Variants in SNTG2 observed in about 807,000 individuals in gnomAD.
The protein encoded by SNTG2 is gamma-2-syntrophin.
SNTG2 carries 74 observed loss-of-function variants against 70.9 expected under a neutral mutation model. The ratio of observed to expected loss-of-function variants is 1.04; its 90% CI spans 0.86 to 1.27. The LOEUF is 1.27. Ranked by LOEUF, SNTG2 falls within the 50% of genes most tolerant of loss-of-function variation. SNTG2 has a pLI of 0.00. For synonymous variants in SNTG2, 278 were observed against 273.8 expected (o/e 1.02, Z -0.15); for missense variants, 717 against 690.7 (o/e 1.04, Z -0.43).
chr2:1,200,150 G>A lies in SNTG2; in HGVS notation c.592-8953G>A, dbSNP rs1384500445. On this transcript the variant is annotated intron_variant, in intron 8 of 16. Coordinates refer to ENST00000308624, the MANE Select transcript of SNTG2 (RefSeq NM_018968.4). ...GAGCTATAGTAATGAAAAAAGCATGGTACTGGTATAAAAACAGACACAGAG... is the reference window on the plus strand; with the variant it reads ...GAGCTATAGTAATGAAAAAAGCATGATACTGGTATAAAAACAGACACAGAG... Among the ~76,000 whole-genome samples the A allele has an allele frequency of 4.6e-5, 7 of 151,992 alleles. 1 individual carries two copies. In the East Asian group the frequency reaches 1.4e-3, roughly 29 times the overall value.
chr2:1,290,282 G>A (rs937107671), intron 14 of SNTG2, among the ~76,000 whole-genome samples: 2 of 151,702 alleles, frequency 1.3e-5, no homozygotes, highest in Non-Finnish European at 1.5e-5. Context: ...GGTGGAGAGG[G>A]ACAGAGAGGG....
intron 1 of SNTG2, among the ~76,000 whole-genome samples, chr2:1,056,984 A>C (rs1360950280): frequency 1.8e-5 from 2 of 109,006 alleles, no homozygotes; most frequent in Admixed American, 9.5e-5. Context: ...GCGCGGGGCC[A>C]CCCCGTGGGG....
intron 1 of SNTG2, among the ~76,000 whole-genome samples, chr2:1,002,768 A>G (rs1659438812): frequency 6.6e-6 from 1 of 151,626 alleles, no homozygotes. Context: ...AAAGGGAAAA[A>G]AATTATATCA....
intron 1 of SNTG2, among the ~76,000 whole-genome samples, chr2:1,070,686 A>G (rs978817573): frequency 2.6e-5 from 4 of 152,190 alleles, no homozygotes; most frequent in African/African-American, 9.7e-5. Flanking sequence ...GCCTCACAAT[A>G]GCCGCACGTT....
At chr2:1,146,070 T>C (rs7604942) in intron 6 of SNTG2, among the ~76,000 whole-genome samples, 55,550 of 151,586 alleles carry the variant, frequency 0.37, 10,945 homozygotes, top group East Asian at 0.83. Flanking sequence ...AAAGATTAAC[T>C]GCAAAAAATC....
At chr2:1,317,532 C>T (rs545556894) in intron 16 of SNTG2, among the ~76,000 whole-genome samples, 2 of 123,264 alleles carry the variant, frequency 1.6e-5, no homozygotes, top group South Asian at 5.7e-4. Flanking sequence ...GAGCATTTAG[C>T]ATCAGGCCAG....
chr2:1,302,251 G>A (rs537993982), intron 14 of SNTG2, among the ~76,000 whole-genome samples: 13 of 152,134 alleles, frequency 8.5e-5, no homozygotes, highest in East Asian at 1.9e-4. Context: ...GAGCCACCGC[G>A]CCCGGCCTGT....
intron 8 of SNTG2, among the ~76,000 whole-genome samples, chr2:1,197,321 T>C (rs1672967760): frequency 6.6e-6 from 1 of 151,486 alleles, no homozygotes; most frequent in Non-Finnish European, 1.5e-5. Context: ...CAGAAGCAAC[T>C]ATAATTATAT....
At chr2:1,307,476 G>A (rs1368979815) in intron 14 of SNTG2, among the ~76,000 whole-genome samples, 1 of 151,646 alleles carries the variant, frequency 6.6e-6, no homozygotes, top group African/African-American at 2.4e-5. Context: ...AGAGAGAAGA[G>A]AGAGAAGGAG....
chr2:1,281,908 C>T (rs1454997293), intron 14 of SNTG2, among the ~76,000 whole-genome samples: 2 of 152,158 alleles, frequency 1.3e-5, no homozygotes, highest in African/African-American at 4.8e-5. Context: ...TCCGTGTCTC[C>T]TCAAGCCCGG....
At chr2:1,089,719 C>T (rs556268490) in intron 2 of SNTG2, among the ~76,000 whole-genome samples, 61 of 152,308 alleles carry the variant, frequency 4.0e-4, no homozygotes, top group South Asian at 2.3e-3. Context: ...AATCAAATAG[C>T]GCGTCACTCA....
At chr2:1,069,446 C>G (rs1378198958) in intron 1 of SNTG2, among the ~76,000 whole-genome samples, 1 of 149,766 alleles carries the variant, frequency 6.7e-6, no homozygotes, top group Non-Finnish European at 1.5e-5. Flanking sequence ...AAGCAATGCA[C>G]GTGGATTATG....
At chr2:1,111,975 A>G (rs558404691) in intron 4 of SNTG2, among the ~76,000 whole-genome samples, 36 of 133,434 alleles carry the variant, frequency 2.7e-4, no homozygotes, top group Admixed American at 1.2e-3. Context: ...TCCTTTGAGG[A>G]GGATCGTGGG....
chr2:1,069,706 G>A lies in SNTG2; in HGVS notation c.73-13812G>A, dbSNP rs576394075. On this transcript the variant is annotated intron_variant, in intron 1 of 16. Coordinates refer to ENST00000308624, the MANE Select transcript of SNTG2 (RefSeq NM_018968.4). ...CTCTGGAGGCTGAGGCAAGAGAATC[G>A]CTTGAACCCAGGAGGCAGAGGTTGC... Among the ~76,000 whole-genome samples, 15 of 152,158 alleles carry A rather than the reference G, an allele frequency of 9.9e-5. No homozygotes were observed. In the South Asian group the frequency reaches 2.9e-3, roughly 30 times the overall value.
intron 9 of SNTG2, among the ~76,000 whole-genome samples, chr2:1,223,363 CG>C (rs1675487319): frequency 1.3e-4 from 8 of 61,228 alleles, no homozygotes; most frequent in East Asian, 3.8e-4. Context: ...CCTGTCCTGC[CG>C]TGGAGGTGCT....
chr2:963,118 ATGATT>A (rs1349452357), intron 1 of SNTG2, among the ~76,000 whole-genome samples: 13 of 152,168 alleles, frequency 8.5e-5, no homozygotes, highest in Middle Eastern at 6.8e-3. Flanking sequence ...TCATCAGACT[ATGATT>A]TGAGCTTTTT....
chr2:986,067 T>TAGACAG (rs1553304940), intron 1 of SNTG2, among the ~76,000 whole-genome samples: 1 of 129,718 alleles, frequency 7.7e-6, no homozygotes, highest in African/African-American at 2.9e-5. Flanking sequence ...CTGCAAATAA[T>TAGACAG]AGAGAGAGAG....
chr2:1,226,803 T>C (rs1675815931), intron 9 of SNTG2, among the ~76,000 whole-genome samples: 1 of 152,198 alleles, frequency 6.6e-6, no homozygotes, highest in Non-Finnish European at 1.5e-5. Flanking sequence ...TTAGACTGTT[T>C]TATTTTTATA....
At chr2:1,005,211 C>T (rs185259288) in intron 1 of SNTG2, among the ~76,000 whole-genome samples, 11 of 152,210 alleles carry the variant, frequency 7.2e-5, no homozygotes, top group Non-Finnish European at 1.5e-4. Flanking sequence ...ATGTTCAGGG[C>T]AGTGAAACTG....
Sources: gnomAD v4.1 joint callset for allele counts (sites outside exome capture counted in the v4.1 genomes callset) on GRCh38, gnomAD v4.1.1 for gene constraint, MANE v1.5 for transcripts, NCBI Gene and HGNC (gene_info 2026-07-23, HGNC 2026-07-21) for gene names.